ASIC1: variants seen among roughly 807,000 people sequenced by gnomAD.
ASIC1 encodes acid sensing ion channel subunit 1, also known as acid-sensing ion channel 1.
Under a neutral mutation model 63.4 loss-of-function variants are expected in ASIC1, and 21 were observed. The ratio of observed to expected loss-of-function variants is 0.33; its 90% confidence interval spans 0.23 to 0.48. The LOEUF (loss-of-function observed/expected upper bound fraction) is 0.48. Ranked by LOEUF, ASIC1 falls within the 20% of genes least tolerant of loss-of-function variation. The probability of loss-of-function intolerance (pLI) is 0.99; values close to 1 mark genes in which losing one functional copy is unlikely to be tolerated. For missense variants in ASIC1, 478 were observed against 695.5 expected, an observed-to-expected ratio of 0.69 and a Z score of 3.52; for synonymous variants, 258 against 278.2, an observed-to-expected ratio of 0.93 and a Z score of 0.72.
chr12:50,061,422 C>T (rs1171756557), intron 3 of ASIC1, among the ~76,000 whole-genome samples: 4 of 152,170 alleles, frequency 2.6e-5, no homozygotes, highest in Admixed American at 1.3e-4. Flanking sequence ...AGAACCACTT[C>T]CTTCCCTCTC....
rs987306608 is a variant in ASIC1, at chr12:50,074,176, C to T, written c.559-3037C>T. ...CCGCTTCTACAATCGCTCCTGCCAC[C>T]GGCTGGAGGACATGCTGCTCTATTG... On this transcript the variant is annotated intron_variant, in intron 3 of 11. Transcript: ENST00000447966. The surrounding 1 kb of genome is among the most constrained non-coding windows in gnomAD (Gnocchi z 4.2). 7.2e-6 allele frequency: 11 copies of T among 1,533,596 alleles called. No individual in the cohort carries two copies. The highest frequency in any genetic ancestry group is 2.4e-5 in the East Asian group (1 of 40,902). 95.0% of individuals were successfully genotyped at this position (1,533,596 alleles called of 1,614,324 possible). A position where few individuals can be genotyped will look rare whatever the true frequency, so the allele number is the denominator to read the frequency against.
At chr12:50,081,443 C>A (rs1950717968) in intron 11 of ASIC1, 79 bp downstream of exon 11, 5 of 1,453,574 alleles carry the variant, frequency 3.4e-6, no homozygotes, top group African/African-American at 1.4e-5. Context: ...CCCGCCCACC[C>A]GCCTCTGCCA....
Position 50,078,571 on chromosome 12 carries a change from A to AT in ASIC1, c.989dup (p.Met330IlefsTer35). 6.2e-7 allele frequency: 1 copy of AT among 1,614,040 alleles called. No individual in the cohort carries two copies. The highest frequency in any genetic ancestry group is 8.5e-7 in the Non-Finnish European group (1 of 1,179,958). On this transcript the variant is annotated frameshift_variant, in exon 6 of 12. Coordinates refer to ENST00000447966, the MANE Select transcript of ASIC1 (RefSeq NM_001095.4). LOFTEE classifies it high-confidence loss of function. This position sits in a 1 kb window ranked among gnomAD's most constrained non-coding sequence, Gnocchi z 6.0. ...GAACTGCAACTGCCGCATGGTGCAC[A>AT]TGCCAGGTCAGGCCTGGGGCTCCGA... is the stretch of plus-strand genomic sequence containing the variant.
At chr12:50,079,665 A>G (rs762419643) in intron 7 of ASIC1, among the ~76,000 whole-genome samples, 1 of 152,176 alleles carries the variant, frequency 6.6e-6, no homozygotes, top group South Asian at 2.1e-4. Context: ...AGTTCTCTCC[A>G]TCTACATCGT....
At chr12:50,079,083 T>A in intron 7 of ASIC1, 103 bp downstream of exon 7, 1 of 1,140,410 alleles carries the variant, frequency 8.8e-7, no homozygotes, top group Non-Finnish European at 1.3e-6. Context: ...ACATAACTCC[T>A]GGACTGGGCT....
chr12:50,075,354 C>G (rs1950644693), intron 3 of ASIC1, among the ~76,000 whole-genome samples: 1 of 152,218 alleles, frequency 6.6e-6, no homozygotes, highest in African/African-American at 2.4e-5. Flanking sequence ...CCAGGCCCAC[C>G]AGGTGGCAGC....
Position 50,078,560 on chromosome 12 carries a change from G to A in ASIC1, c.977G>A (p.Arg326His). Reference sequence around the variant, plus strand: ...TACCTGGTGGAGAACTGCAACTGCCGCATGGTGCACATGCCAGGTCAGGCC... The same window carrying A: ...TACCTGGTGGAGAACTGCAACTGCCACATGGTGCACATGCCAGGTCAGGCC... ...TRYLVENCNC[R>H]MVHMPGDAPY... Residue 326 changes from arginine (R) to histidine (H), a missense_variant, in exon 6 of 12, where the codon CGC becomes CAC. By Grantham distance (29) the Arg-to-His change is conservative. Coordinates refer to ENST00000447966, the MANE Select transcript of ASIC1 (RefSeq NM_001095.4). The surrounding 1 kb of genome is among the most constrained non-coding windows in gnomAD (Gnocchi z 6.0). The A allele has an allele frequency of 6.2e-6, 10 of 1,614,082 alleles. No homozygotes were observed. The highest frequency in any genetic ancestry group is 6.8e-6 in the Non-Finnish European group (8 of 1,179,992).
intron 8 of ASIC1, 90 bp downstream of exon 8, chr12:50,080,145 A>G: frequency 2.1e-6 from 3 of 1,398,256 alleles, no homozygotes; most frequent in Non-Finnish European, 2.9e-6. Context: ...GCTGGCAGGC[A>G]GGGGGAACTT....
intron 3 of ASIC1, among the ~76,000 whole-genome samples, chr12:50,061,490 G>T (rs534548111): frequency 2.6e-5 from 4 of 152,310 alleles, no homozygotes. Flanking sequence ...CAGAGGGTTT[G>T]CAGTCTCACA....
At chr12:50,060,765 TCA>T (rs1373708830) in intron 3 of ASIC1, among the ~76,000 whole-genome samples, 2 of 152,158 alleles carry the variant, frequency 1.3e-5, no homozygotes, top group African/African-American at 2.4e-5. Context: ...CCTGGGCAAG[TCA>T]CACAGATTCC....
intron 3 of ASIC1, 164 bp from the exon 4 acceptor site, chr12:50,077,049 G>T (rs1592277349): frequency 3.4e-6 from 4 of 1,174,172 alleles, no homozygotes; most frequent in Non-Finnish European, 5.1e-6. Context: ...GGCAAGAAAG[G>T]GTGAGAAACA....
rs750013341 is a variant in ASIC1 at position 50,081,621 on chromosome 12, G to A, written c.1559G>A (p.Arg520Gln). 9 of 1,614,012 alleles carry A rather than the reference G, an allele frequency of 5.6e-6. No homozygotes were observed. The highest frequency in any genetic ancestry group is 1.3e-5 in the African/African-American group (1 of 74,984). The change falls in exon 12 of 12, where the codon CGA becomes CAA. Residue 520 changes from arginine (R) to glutamine (Q), a missense_variant. Arg to Gln is a conservative substitution (Grantham distance 43). Transcript: ENST00000447966. ...AACATCCTACCTCACCATCCGGCCC[G>A]AGGCACGTTCGAGGACTTTACCTGC... is the stretch of plus-strand genomic sequence containing the variant. ...AANILPHHPA[R>Q]GTFEDFTC
chr12:50,077,281 C>G lies in ASIC1; in HGVS notation c.627C>G (p.Thr209=), dbSNP rs749854315. 3.9e-5 allele frequency: 63 copies of G among 1,613,996 alleles called. No homozygotes were observed. The highest frequency in any genetic ancestry group is 1.6e-4 in the Middle Eastern group (1 of 6,082). The part of the protein sequence containing the change: ...SGRDGRPRLK[T]MKGGTGNGLE... ...GAGATGGGCGGCCGCGGCTGAAGAC[C>G]ATGAAGGGTGGGACGGGCAATGGGC... The change falls in exon 4 of 12, where the codon ACC becomes ACG. Residue 209 remains threonine (T), a synonymous_variant. Transcript: ENST00000447966.
At chr12:50,069,208 A>G (rs1250684616) in intron 3 of ASIC1, among the ~76,000 whole-genome samples, 2 of 138,568 alleles carry the variant, frequency 1.4e-5, no homozygotes, top group Non-Finnish European at 3.4e-5. Context: ...ACACAAATAT[A>G]TACACACACA....
At position 50,081,109 on chromosome 12, in the gene ASIC1, C is replaced by T; in HGVS notation, c.1305C>T (p.Ile435=). 1 of 1,605,984 alleles carries T rather than the reference C, an allele frequency of 6.2e-7. No individual in the cohort carries two copies. The highest frequency in any genetic ancestry group is 1.7e-5 in the Admixed American group (1 of 58,680). The change falls in exon 10 of 12, where the codon ATC becomes ATT. Residue 435 remains isoleucine (I), a synonymous_variant. Transcript: ENST00000447966. ...TGGCGCCTGCCCCCGCAGGTGACAT[C>T]GGGGGCCAGATGGGGCTGTTCATCG... The part of the protein sequence containing the change: ...AYEIAGLLGD[I]GGQMGLFIGA...
intron 3 of ASIC1, among the ~76,000 whole-genome samples, chr12:50,068,437 G>A (rs1010844174): frequency 2.6e-5 from 4 of 152,076 alleles, no homozygotes; most frequent in Admixed American, 6.6e-5. Flanking sequence ...AGCTTTAGTG[G>A]ATACTGCCAA....
intron 3 of ASIC1, among the ~76,000 whole-genome samples, chr12:50,067,371 T>C (rs1950554926): frequency 6.6e-6 from 1 of 151,702 alleles, no homozygotes; most frequent in Non-Finnish European, 1.5e-5. Flanking sequence ...GATCTCTCAA[T>C]AGCATTTAAA....
intron 3 of ASIC1, chr12:50,073,864 G>A (rs1436041477): frequency 6.5e-7 from 1 of 1,531,858 alleles, no homozygotes; most frequent in Non-Finnish European, 8.7e-7. Flanking sequence ...GCTGTGGGCG[G>A]TGGCCTTTGT....
rs552604613 is a variant in ASIC1 at position 50,069,999 on chromosome 12, G to GTTGTGTGAGGATCCCATGAGATAACAA, written c.559-7210_559-7184dup. Among the ~76,000 whole-genome samples the GTTGTGTGAGGATCCCATGAGATAACAA allele has an allele frequency of 2.2e-4, 33 of 152,284 alleles. No homozygotes were observed. The East Asian group carries it at 2.9e-3, about 13-fold the overall frequency. On this transcript the variant is annotated intron_variant, in intron 3 of 11. Transcript: ENST00000447966. ...TACTCAAACCTGCTTATTTCACTGG[G>GTTGTGTGAGGATCCCATGAGATAACAA]TTGTGTGAGGATCCCATGAGATAAC...
Sources: allele counts gnomAD v4.1 joint callset (sites outside exome capture counted in the v4.1 genomes callset), GRCh38; gene constraint gnomAD v4.1.1; non-coding constraint Gnocchi (gnomAD v3.1); transcripts MANE v1.5; gene names NCBI Gene and HGNC (gene_info 2026-07-23, HGNC 2026-07-21).